Variants in ZNF385D observed in about 807,000 individuals in gnomAD.
The protein encoded by ZNF385D is zinc finger protein 659.
Under a neutral mutation model 35.8 loss-of-function variants are expected in ZNF385D, and 15 were observed. The ratio of observed to expected loss-of-function variants is 0.42; its 90% CI spans 0.28 to 0.64. ZNF385D has a LOEUF of 0.64. Ranked by LOEUF, ZNF385D falls within the 30% of genes least tolerant of loss-of-function variation. ZNF385D has a pLI of 0.23. For missense variants in ZNF385D, 474 were observed against 494.6 expected, an observed-to-expected ratio of 0.96 and a Z score of 0.39; for synonymous variants, 212 against 186.8, an observed-to-expected ratio of 1.13 and a Z score of -1.10.
At chr3:21,689,489 A>G (rs1482590973) in intron 1 of ZNF385D, among the ~76,000 whole-genome samples, 3 of 152,308 alleles carry the variant, frequency 2.0e-5, no homozygotes, top group Non-Finnish European at 4.4e-5. Flanking sequence ...AGGAAAAACT[A>G]TAAATACAAT....
chr3:21,738,877 T>C (rs1239833640), intron 1 of ZNF385D, among the ~76,000 whole-genome samples: 1 of 152,260 alleles, frequency 6.6e-6, no homozygotes, highest in Non-Finnish European at 1.5e-5. Context: ...GAGTAGCTTC[T>C]GCTTTGTTGT....
chr3:21,744,628 G>A (rs1178975813), intron 1 of ZNF385D, among the ~76,000 whole-genome samples: 2 of 152,104 alleles, frequency 1.3e-5, no homozygotes, highest in East Asian at 3.9e-4. Flanking sequence ...ATTGTATCAG[G>A]TGAGTTGCTA....
At chr3:21,467,020 G>T (rs1015823797) in intron 4 of ZNF385D, among the ~76,000 whole-genome samples, 2 of 152,148 alleles carry the variant, frequency 1.3e-5, no homozygotes, top group African/African-American at 4.8e-5. Flanking sequence ...TCTTACCAAT[G>T]ATCAGGATTT....
At chr3:22,181,561 A>G (rs914883442) in intron 2 of ZNF385D, among the ~76,000 whole-genome samples, 1 of 151,968 alleles carries the variant, frequency 6.6e-6, no homozygotes, top group African/African-American at 2.4e-5. Context: ...AGCCGGTCGC[A>G]GTGGCGGGCG....
At chr3:21,736,970 C>T (rs1362714134) in intron 1 of ZNF385D, among the ~76,000 whole-genome samples, 1 of 152,142 alleles carries the variant, frequency 6.6e-6, no homozygotes, top group South Asian at 2.1e-4. Flanking sequence ...GGCGGAGTCT[C>T]GCTCCGTCGC....
chr3:21,995,201 C>A (rs1695383474), intron 3 of ZNF385D, among the ~76,000 whole-genome samples: 1 of 152,196 alleles, frequency 6.6e-6, no homozygotes, highest in South Asian at 2.1e-4. Context: ...AGACCTCAGG[C>A]CTCCAGGTAG....
At chr3:22,330,035 T>C (rs1214458657) in intron 2 of ZNF385D, among the ~76,000 whole-genome samples, 2 of 152,172 alleles carry the variant, frequency 1.3e-5, no homozygotes, top group Non-Finnish European at 2.9e-5. Context: ...CTTTTTTGTG[T>C]ATTAATCTAA....
At chr3:21,791,592 C>T (rs1448923620) in intron 3 of ZNF385D, among the ~76,000 whole-genome samples, 1 of 152,190 alleles carries the variant, frequency 6.6e-6, no homozygotes, top group Non-Finnish European at 1.5e-5. Context: ...CCCCAGTGAA[C>T]ATTTTACAAA....
chr3:22,075,897 T>A (rs78191373), intron 3 of ZNF385D, among the ~76,000 whole-genome samples: 1 of 151,914 alleles, frequency 6.6e-6, no homozygotes, highest in Non-Finnish European at 1.5e-5. Flanking sequence ...ACCATCATAA[T>A]CCATCCAGTT....
At chr3:21,805,282 T>C (rs376314761) in intron 3 of ZNF385D, among the ~76,000 whole-genome samples, 3 of 152,196 alleles carry the variant, frequency 2.0e-5, no homozygotes, top group Admixed American at 1.3e-4. Context: ...TATGTGTAAA[T>C]AGTGTGTAGA....
intron 3 of ZNF385D, among the ~76,000 whole-genome samples, chr3:22,101,811 T>C (rs1016490066): frequency 6.6e-6 from 1 of 152,002 alleles, no homozygotes; most frequent in African/African-American, 2.4e-5. Flanking sequence ...CTTGGAAATC[T>C]TAGAATGAAT....
At chr3:22,039,419 G>C (rs1176391510) in intron 3 of ZNF385D, among the ~76,000 whole-genome samples, 2 of 151,986 alleles carry the variant, frequency 1.3e-5, no homozygotes, top group Non-Finnish European at 2.9e-5. Context: ...GGTAAATTTA[G>C]AACTTAGCAT....
At chr3:22,344,178 G>A (rs1695548139) in intron 2 of ZNF385D, among the ~76,000 whole-genome samples, 2 of 50,884 alleles carry the variant, frequency 3.9e-5, no homozygotes, top group Admixed American at 3.1e-4. Context: ...GTGGGGTGGG[G>A]TGTGTGTGTG....
Position 21,970,529 on chromosome 3 carries a change from A to T in ZNF385D, c.325+198288T>A, listed in dbSNP as rs146709055. ...AAAAGACACAAAAGAAAAAAGAATG[A>T]AAAAGAATGAAGCATGCTTGGAAAA... On this transcript the variant is annotated intron_variant, in intron 3 of 5. Coordinates refer to the ZNF385D transcript ENST00000494108. Among the ~76,000 whole-genome samples the T allele has an allele frequency of 2.6e-3, 395 of 152,214 alleles. 2 individuals carry two copies. The highest frequency in any genetic ancestry group is 9.1e-3 in the African/African-American group (379 of 41,556).
At chr3:21,739,853 G>A (rs967387338) in intron 1 of ZNF385D, among the ~76,000 whole-genome samples, 5 of 152,198 alleles carry the variant, frequency 3.3e-5, no homozygotes, top group Admixed American at 1.3e-4. Context: ...AGTGAACCTG[G>A]TGACAGTGTT....
chr3:21,482,617 A>C (rs1361986097), intron 4 of ZNF385D, among the ~76,000 whole-genome samples: 2 of 152,162 alleles, frequency 1.3e-5, no homozygotes, highest in Non-Finnish European at 2.9e-5. Context: ...GTGATGTCCT[A>C]ACCTTTGTAA....
chr3:21,951,217 T>C (rs524531), intron 3 of ZNF385D, among the ~76,000 whole-genome samples: 13,930 of 151,700 alleles, frequency 0.092, 1,464 homozygotes, highest in African/African-American at 0.23. Context: ...CCTCTCTTAC[T>C]TCCTTGAGCA....
chr3:21,769,252 A>G (rs953289995), intron 3 of ZNF385D, among the ~76,000 whole-genome samples: 4 of 149,820 alleles, frequency 2.7e-5, no homozygotes, highest in Non-Finnish European at 4.4e-5. Context: ...GGCAGGAGAA[A>G]GAAATAAAGG....
intron 3 of ZNF385D, among the ~76,000 whole-genome samples, chr3:21,548,491 C>G (rs1647285540): frequency 1.3e-5 from 2 of 152,216 alleles, no homozygotes; most frequent in Admixed American, 1.3e-4. Context: ...TCCTCATATT[C>G]TGTGCTTCCA....
Sources: gnomAD v4.1 joint callset for allele counts (sites outside exome capture counted in the v4.1 genomes callset) on GRCh38, gnomAD v4.1.1 for gene constraint, MANE v1.5 for transcripts, NCBI Gene and HGNC (gene_info 2026-07-23, HGNC 2026-07-21) for gene names.